Variants in NNT observed in about 807,000 individuals in gnomAD.
NNT encodes nicotinamide nucleotide transhydrogenase, also known as NAD(P) transhydrogenase, mitochondrial.
Under a neutral mutation model 104.8 loss-of-function variants are expected in NNT, and 50 were observed. The observed-to-expected ratio is 0.48, with a 90% CI of 0.38 to 0.60. NNT has a LOEUF of 0.60. Among genes scored for constraint, NNT ranks in the 20% least tolerant of loss-of-function variants. The probability of loss-of-function intolerance (pLI) is 0.00; values close to 1 mark genes in which losing one functional copy is unlikely to be tolerated. For synonymous variants in NNT, 461 were observed against 490.4 expected, an observed-to-expected ratio of 0.94 and a Z score of 0.79; for missense variants, 1,131 against 1,330.7, an observed-to-expected ratio of 0.85 and a Z score of 2.33.
intron 6 of NNT, among the ~76,000 whole-genome samples, chr5:43,626,227 A>G (rs73751786): frequency 0.029 from 4,467 of 152,274 alleles, 176 homozygotes; most frequent in African/African-American, 0.093. Context: ...TCTCTAAACA[A>G]TATGGTATAA....
At chr5:43,644,504 A>C (rs1751397703) in intron 8 of NNT, 107 bp from the exon 9 acceptor site, 2 of 1,150,808 alleles carry the variant, frequency 1.7e-6, no homozygotes, top group African/African-American at 1.6e-5. Flanking sequence ...TATATTCATA[A>C]AGATATATAA....
intron 19 of NNT, among the ~76,000 whole-genome samples, chr5:43,691,073 G>C (rs1023624967): frequency 3.0e-5 from 2 of 66,526 alleles, no homozygotes; most frequent in Admixed American, 3.3e-4. Context: ...TTGAGAGAGT[G>C]TGTGTGTGTG....
At chr5:43,701,472 T>A (rs184246058) in intron 20 of NNT, among the ~76,000 whole-genome samples, 2 of 152,266 alleles carry the variant, frequency 1.3e-5, no homozygotes, top group East Asian at 3.9e-4. Flanking sequence ...TTTTTTTTTA[T>A]CCAGTGCACC....
chr5:43,653,277 C>G, intron 14 of NNT, 64 bp downstream of exon 14: 1 of 1,382,742 alleles, frequency 7.2e-7, no homozygotes, highest in Non-Finnish European at 9.7e-7. Flanking sequence ...TTTCTAAGGT[C>G]CATATTGATG....
In NNT at chr5:43,702,737, G is replaced by A; in HGVS notation, c.3111+1G>A. On this transcript the variant is annotated splice_donor_variant, in intron 21 of 21. Coordinates refer to ENST00000344920, the MANE Select transcript of NNT (RefSeq NM_182977.3). LOFTEE classifies it high-confidence loss of function. Reference sequence around the variant, plus strand: ...CCTTGAGGTCTGGAAATCAAAGCAGGTAAAGTTTCAGACTTGTATTTCATT... The same window carrying A: ...CCTTGAGGTCTGGAAATCAAAGCAGATAAAGTTTCAGACTTGTATTTCATT... The A allele has an allele frequency of 6.3e-7, 1 of 1,599,346 alleles. No homozygotes were observed. The highest frequency in any genetic ancestry group is 1.7e-5 in the Admixed American group (1 of 58,762).
chr5:43,645,544 T>C lies in NNT; in HGVS notation c.1444+34T>C, dbSNP rs756902739. ...ACCATTTACCAGGGTTTAGTCTTGATTGTTTGATTTTGCAAGTTATATATA... is the reference window on the plus strand; with the variant it reads ...ACCATTTACCAGGGTTTAGTCTTGACTGTTTGATTTTGCAAGTTATATATA... On this transcript the variant is annotated intron_variant, in intron 10 of 21. Coordinates refer to ENST00000344920, the MANE Select transcript of NNT (RefSeq NM_182977.3). 6 of 1,405,208 alleles carry C rather than the reference T, an allele frequency of 4.3e-6. No individual in the cohort carries two copies. In the South Asian group the frequency reaches 8.9e-5, roughly 21 times the overall value. The allele number at this position is 1,405,208 out of a possible 1,614,324, so 87.0% of individuals were successfully genotyped here.
chr5:43,682,572 A>C (rs75815013), intron 19 of NNT, among the ~76,000 whole-genome samples: 1 of 152,142 alleles, frequency 6.6e-6, no homozygotes, highest in African/African-American at 2.4e-5. Context: ...GCCTTCTTGG[A>C]TTTGTTATGT....
At chr5:43,675,417 T>C in intron 17 of NNT, 94 bp from the exon 18 acceptor site, 1 of 1,156,110 alleles carries the variant, frequency 8.6e-7, no homozygotes, top group Non-Finnish European at 1.2e-6. Flanking sequence ...ATAAACCTTT[T>C]AAAATGATTC....
In NNT at chr5:43,704,741, A is replaced by G. The variant is rs977154098; in HGVS notation, c.*337A>G. 3.3e-5 allele frequency: 7 copies of G among 213,732 alleles called. No homozygotes were observed. The highest frequency in any genetic ancestry group is 6.6e-5 in the Non-Finnish European group (7 of 106,540). 13.2% of individuals were successfully genotyped at this position (213,732 alleles called of 1,614,324 possible). ...TCAGTAACCAGAAATGTTTTAAAAA[A>G]CTAAGTGTTTAGGATTTCAAGACAA... is the stretch of plus-strand genomic sequence containing the variant. On this transcript the variant is annotated 3_prime_UTR_variant, in exon 22 of 22. Transcript: ENST00000344920.
chr5:43,663,214 T>C (rs1334063818), intron 17 of NNT, among the ~76,000 whole-genome samples: 2 of 152,200 alleles, frequency 1.3e-5, no homozygotes, highest in Non-Finnish European at 2.9e-5. Context: ...CTTTTTTTCT[T>C]GGTTGCAGTT....
At chr5:43,673,266 C>T (rs754319884) in intron 17 of NNT, among the ~76,000 whole-genome samples, 37 of 152,318 alleles carry the variant, frequency 2.4e-4, no homozygotes, top group African/African-American at 6.7e-4. Context: ...CTTTGGCTCA[C>T]GCTTGGTGGA....
In NNT at chr5:43,705,764, T is replaced by C. The variant is rs1743075777; in HGVS notation, c.*1360T>C. ...TATTTTGCTGTGCCTGAGATTAAGA[T>C]CTGTGTATGTGTGTGTGTGTGTGTG... On this transcript the variant is annotated 3_prime_UTR_variant, in exon 22 of 22. Transcript: ENST00000344920. 1.4e-5 allele frequency: 2 copies of C among 145,940 alleles called. No individual in the cohort carries two copies. Among genetic ancestry groups the C allele is most frequent in the African/African-American group, 5.3e-5 (2 of 37,622 alleles). The allele number at this position is 145,940 out of a possible 1,614,324, so 9.0% of individuals were successfully genotyped here. A position where few individuals can be genotyped will look rare whatever the true frequency, so the allele number is the denominator to read the frequency against.
chr5:43,707,190 TA>T lies in NNT; in HGVS notation c.*2793del, dbSNP rs910052633. On this transcript the variant is annotated 3_prime_UTR_variant, in exon 22 of 22. Transcript: ENST00000344920. ...CTGAAATAAATGTGATCTTTCCCAT[TA>T]AAAAAATAAAGAAATTTTGGGGTAA... The T allele has an allele frequency of 6.6e-6, 1 of 151,666 alleles. No homozygotes were observed. The highest frequency in any genetic ancestry group is 6.6e-5 in the Admixed American group (1 of 15,220). 9.4% of individuals were successfully genotyped at this position (151,666 alleles called of 1,614,324 possible). A position where few individuals can be genotyped will look rare whatever the true frequency, so the allele number is the denominator to read the frequency against.
At chr5:43,665,890 G>A (rs1214034099) in intron 17 of NNT, among the ~76,000 whole-genome samples, 4 of 151,358 alleles carry the variant, frequency 2.6e-5, no homozygotes, top group African/African-American at 7.3e-5. Flanking sequence ...GCTGCCGGGC[G>A]GAGATGCTCC....
At chr5:43,654,926 A>C (rs934849275) in intron 14 of NNT, among the ~76,000 whole-genome samples, 1 of 152,204 alleles carries the variant, frequency 6.6e-6, no homozygotes, top group African/African-American at 2.4e-5. Context: ...TCATGGCAGG[A>C]AAACCTTTAG....
intron 5 of NNT, among the ~76,000 whole-genome samples, chr5:43,620,312 C>T (rs765644889): frequency 2.0e-5 from 3 of 152,182 alleles, no homozygotes; most frequent in Middle Eastern, 3.4e-3. Context: ...CTCCACCTCC[C>T]GGGTTCATGC....
chr5:43,604,832 C>T (rs1348083262), intron 1 of NNT, among the ~76,000 whole-genome samples: 1 of 152,010 alleles, frequency 6.6e-6, no homozygotes. Flanking sequence ...CCACCATGCC[C>T]TGCTAATTAA....
chr5:43,657,668 C>T (rs1011690942), intron 16 of NNT, among the ~76,000 whole-genome samples: 1 of 152,152 alleles, frequency 6.6e-6, no homozygotes, highest in African/African-American at 2.4e-5. Flanking sequence ...GATTTTAACA[C>T]AGAAATTTTA....
chr5:43,606,581 A>G (rs368814394), intron 1 of NNT, among the ~76,000 whole-genome samples: 1 of 152,336 alleles, frequency 6.6e-6, no homozygotes, highest in East Asian at 1.9e-4. Flanking sequence ...TTATTCATAC[A>G]TATTTTTAAT....
Sources: allele counts gnomAD v4.1 joint callset (sites outside exome capture counted in the v4.1 genomes callset), GRCh38; gene constraint gnomAD v4.1.1; transcripts MANE v1.5; gene names NCBI Gene and HGNC (gene_info 2026-07-23, HGNC 2026-07-21).